CD83: variants seen among roughly 807,000 people sequenced by gnomAD.
The protein encoded by CD83 is CD83 antigen.
Under a neutral mutation model 24.6 loss-of-function variants are expected in CD83, and 22 were observed. The observed-to-expected ratio is 0.90, with a 90% confidence interval of 0.64 to 1.28. CD83 has a LOEUF of 1.28. Ranked by LOEUF, CD83 falls within the 50% of genes most tolerant of loss-of-function variation. CD83 has a pLI of 0.00. For synonymous variants in CD83, 101 were observed against 103.5 expected, an observed-to-expected ratio of 0.98 and a Z score of 0.14; for missense variants, 253 against 252.8, an observed-to-expected ratio of 1.00 and a Z score of -0.01.
In CD83 at chr6:14,135,131, C is replaced by T. The variant is rs746795901; in HGVS notation, c.513C>T (p.Ile171=). The change falls in exon 5 of 5, where the codon ATC becomes ATT. Residue 171 remains isoleucine, a synonymous_variant. Transcript: ENST00000379153. ...AGAAGTTTGCACGGCTACAGAGTAT[C>T]TTCCCAGATTTTTCTAAAGCTGGCA... ...FTCKFARLQS[I]FPDFSKAGME... The T allele has an allele frequency of 5.0e-6, 8 of 1,614,144 alleles. No homozygotes were observed. The highest frequency in any genetic ancestry group is 6.8e-6 in the Non-Finnish European group (8 of 1,179,994).
intron 2 of CD83, among the ~76,000 whole-genome samples, chr6:14,123,066 C>T (rs1759705159): frequency 6.6e-6 from 1 of 151,946 alleles, no homozygotes; most frequent in African/African-American, 2.4e-5. Context: ...AGTAAGGAGC[C>T]ATTGAAGGAT....
intron 2 of CD83, among the ~76,000 whole-genome samples, chr6:14,118,563 A>G (rs762564831): frequency 6.6e-6 from 1 of 152,140 alleles, no homozygotes; most frequent in Non-Finnish European, 1.5e-5. Context: ...GACTTAGGCC[A>G]TTTCATCCAT....
At chr6:14,132,016 C>T (rs1757922944) in intron 3 of CD83, among the ~76,000 whole-genome samples, 1 of 152,178 alleles carries the variant, frequency 6.6e-6, no homozygotes, top group Non-Finnish European at 1.5e-5. Flanking sequence ...TTCCGTACAA[C>T]CGTTGATTTC....
chr6:14,132,389 A>G (rs1757930301), intron 3 of CD83, among the ~76,000 whole-genome samples: 1 of 152,222 alleles, frequency 6.6e-6, no homozygotes, highest in Non-Finnish European at 1.5e-5. Flanking sequence ...CAGGGAGTGG[A>G]GAGAAAATGA....
chr6:14,130,496 G>C (rs574299362), intron 2 of CD83, among the ~76,000 whole-genome samples: 30 of 152,260 alleles, frequency 2.0e-4, no homozygotes, highest in African/African-American at 6.3e-4. Flanking sequence ...AGGCCGAGGC[G>C]GGCGGATCGC....
intron 2 of CD83, among the ~76,000 whole-genome samples, chr6:14,121,769 A>C (rs781390941): frequency 6.6e-6 from 1 of 152,104 alleles, no homozygotes; most frequent in Non-Finnish European, 1.5e-5. Context: ...ATAGCACAAT[A>C]TCATGTCTGT....
intron 2 of CD83, among the ~76,000 whole-genome samples, chr6:14,125,731 G>C (rs1203307930): frequency 6.6e-6 from 1 of 152,202 alleles, no homozygotes; most frequent in African/African-American, 2.4e-5. Flanking sequence ...GAACAATGAA[G>C]GGTCCAACAT....
Position 14,131,748 on chromosome 6 carries a change from G to T in CD83, c.382G>T (p.Gly128Ter). ...LSGKVILRVT[G>*]CPAQRKEETF... is the part of the protein sequence containing the mutation. ...TGGCAAGGTGATCTTGAGAGTGACA[G>T]GTGAGGTGACCTGCTGCACTTGTTT... is the stretch of plus-strand genomic sequence containing the variant. Residue 128 changes from glycine to a stop codon, truncating the protein, a stop_gained and splice_region_variant, in exon 3 of 5, where the codon GGA becomes TGA. Coordinates refer to ENST00000379153, the MANE Select transcript of CD83 (RefSeq NM_004233.4). LOFTEE classifies it high-confidence loss of function. The T allele has an allele frequency of 1.9e-6, 3 of 1,601,884 alleles. No homozygotes were observed. The highest frequency in any genetic ancestry group is 1.7e-6 in the Non-Finnish European group (2 of 1,168,838).
At chr6:14,127,420 A>G (rs1394786721) in intron 2 of CD83, among the ~76,000 whole-genome samples, 1 of 152,118 alleles carries the variant, frequency 6.6e-6, no homozygotes, top group African/African-American at 2.4e-5. Context: ...GTTGGCATAT[A>G]TTTGGATAAA....
chr6:14,131,996 G>A (rs556313923), intron 3 of CD83, among the ~76,000 whole-genome samples: 168 of 152,300 alleles, frequency 1.1e-3, no homozygotes, highest in Non-Finnish European at 2.0e-3. Context: ...TGTGGTCACA[G>A]AGCCCCTGAT....
upstream of CD83, chr6:14,117,766 C>T (rs773846710): frequency 1.5e-6 from 2 of 1,351,526 alleles, no homozygotes; most frequent in Non-Finnish European, 1.9e-6. The surrounding 1 kb of genome is among the most constrained non-coding windows in gnomAD (Gnocchi z 4.6). Flanking sequence ...CCGGCGCCCG[C>T]GCGCCACAGC....
rs745578592 is a variant in CD83, at chr6:14,118,002, T to G, written c.90T>G (p.Asp30Glu). 1 of 1,611,658 alleles carries G rather than the reference T, an allele frequency of 6.2e-7. No homozygotes were observed. The highest frequency in any genetic ancestry group is 1.1e-5 in the South Asian group (1 of 90,824). ...TPEVKVACSE[D>E]VDLPCTAPWD... Reference sequence around the variant, plus strand: ...AGGTGAAGGTGGCTTGCTCCGAAGATGTGGACTTGCCCTGCACCGCCCCCT... The same window carrying G: ...AGGTGAAGGTGGCTTGCTCCGAAGAGGTGGACTTGCCCTGCACCGCCCCCT... Residue 30 changes from aspartate to glutamate, a missense_variant, in exon 2 of 5, where the codon GAT (aspartate) becomes GAG (glutamate). Coordinates refer to ENST00000379153, the MANE Select transcript of CD83 (RefSeq NM_004233.4).
rs1581327304 is a variant in CD83 at position 14,122,706 on chromosome 6, G to A, written c.153+4641G>A. Among the ~76,000 whole-genome samples, 4 of 151,922 alleles carry A rather than the reference G, an allele frequency of 2.6e-5. No homozygotes were observed. In the South Asian group the frequency reaches 8.3e-4, roughly 32 times the overall value. On this transcript the variant is annotated intron_variant, in intron 2 of 4. Coordinates refer to ENST00000379153, the MANE Select transcript of CD83 (RefSeq NM_004233.4). ...TTGACCTGGTTGAATCACTTTTATG[G>A]GCTCCTCCCTAGGTCAAACCATGAA...
intron 2 of CD83, among the ~76,000 whole-genome samples, chr6:14,118,991 G>A (rs1461786478): frequency 6.6e-6 from 1 of 152,200 alleles, no homozygotes; most frequent in African/African-American, 2.4e-5. Flanking sequence ...TCCCCAAAAT[G>A]CAGGGCGTTC....
intron 2 of CD83, 130 bp downstream of exon 2, chr6:14,118,195 T>A: frequency 1.6e-6 from 1 of 623,214 alleles, no homozygotes; most frequent in Non-Finnish European, 2.7e-6. Context: ...GCAGCTGAAC[T>A]TGGAGTACCC....
In CD83 at chr6:14,136,684, T is replaced by A. The variant is rs939714512; in HGVS notation, c.*1448T>A. ...TAAACGTATGCATGTGAAGAAAGGG[T>A]GTTTTTCTGTTTTATATTCAACTCA... On this transcript the variant is annotated 3_prime_UTR_variant, in exon 5 of 5. Transcript: ENST00000379153. The A allele has an allele frequency of 6.6e-6, 1 of 152,158 alleles. No individual in the cohort carries two copies. Among genetic ancestry groups the A allele is most frequent in the African/African-American group, 2.4e-5 (1 of 41,424 alleles). The allele number at this position is 152,158 out of a possible 1,614,324, so 9.4% of individuals were successfully genotyped here. A position where few individuals can be genotyped will look rare whatever the true frequency, so the allele number is the denominator to read the frequency against.
intron 2 of CD83, among the ~76,000 whole-genome samples, chr6:14,122,308 G>A (rs964406341): frequency 3.3e-5 from 5 of 152,170 alleles, no homozygotes; most frequent in Admixed American, 6.5e-5. Context: ...GCTGTCTTCC[G>A]TGTATGTTGC....
chr6:14,134,391 A>G (rs1218629074), intron 4 of CD83, among the ~76,000 whole-genome samples: 2 of 152,208 alleles, frequency 1.3e-5, no homozygotes, highest in Admixed American at 6.5e-5. Flanking sequence ...TTCTTTCTGC[A>G]TGGCTGCTCA....
intron 2 of CD83, among the ~76,000 whole-genome samples, chr6:14,121,733 G>A (rs1313855946): frequency 1.3e-5 from 2 of 151,704 alleles, no homozygotes; most frequent in African/African-American, 4.8e-5. Flanking sequence ...GCCATGACCT[G>A]TGATTAAATT....
Sources: allele counts gnomAD v4.1 joint callset (sites outside exome capture counted in the v4.1 genomes callset), GRCh38; gene constraint gnomAD v4.1.1; non-coding constraint Gnocchi (gnomAD v3.1); transcripts MANE v1.5; gene names NCBI Gene and HGNC (gene_info 2026-07-23, HGNC 2026-07-21).